The following FAT3 variants were observed in gnomAD, a reference collection of about 807,000 sequenced individuals.
The protein encoded by FAT3 is protocadherin Fat 3.
In FAT3, 95 loss-of-function variants were observed where a neutral mutation model predicts 310.2. The ratio of observed to expected loss-of-function variants is 0.31; its 90% confidence interval spans 0.26 to 0.36. The LOEUF (loss-of-function observed/expected upper bound fraction) is 0.36, where lower values mean the gene tolerates loss of function less well. Ranked by LOEUF, FAT3 falls within the 10% of genes least tolerant of loss-of-function variation. The pLI is 1.00. For synonymous variants in FAT3, 2,314 were observed against 2,192.9 expected (o/e 1.06, Z -1.54); for missense variants, 5,408 against 5,715.6 (o/e 0.95, Z 1.74).
chr11:92,727,357 A>T (rs923960933), intron 4 of FAT3, among the ~76,000 whole-genome samples: 1 of 152,108 alleles, frequency 6.6e-6, no homozygotes, highest in East Asian at 1.9e-4. Context: ...ATTGCCACCG[A>T]CTTCATGGGA....
At chr11:92,350,948 G>A (rs1262595453) in intron 1 of FAT3, among the ~76,000 whole-genome samples, 1 of 152,128 alleles carries the variant, frequency 6.6e-6, no homozygotes, top group African/African-American at 2.4e-5. Flanking sequence ...GATCCTTTGG[G>A]TATGAATAGA....
chr11:92,866,889 G>C lies in FAT3; in HGVS notation c.11807G>C (p.Ser3936Thr), dbSNP rs753480763. The change falls in exon 22 of 28, where the codon AGC (serine) becomes ACC (threonine). Residue 3936 changes from serine (S) to threonine (T), a missense_variant. Transcript: ENST00000525166. ...TTCACGAGCCTGTCCCTGGATGACA[G>C]CTACGTGGAGCGGCGCCGGGCGCCC... ...RNFTSLSLDD[S>T]YVERRRAPLY... is the part of the protein sequence containing the mutation. 6 of 1,614,010 alleles carry C rather than the reference G, an allele frequency of 3.7e-6. No homozygotes were observed. In the South Asian group the frequency reaches 6.6e-5, roughly 18 times the overall value.
intron 3 of FAT3, among the ~76,000 whole-genome samples, chr11:92,584,472 CTT>C (rs34158813): frequency 5.3e-5 from 8 of 151,754 alleles, no homozygotes; most frequent in African/African-American, 1.5e-4. Flanking sequence ...TATTTGACAG[CTT>C]TTTTTCCCCC....
chr11:92,452,363 A>C (rs1174791135), intron 2 of FAT3, among the ~76,000 whole-genome samples: 1 of 152,184 alleles, frequency 6.6e-6, no homozygotes, highest in Non-Finnish European at 1.5e-5. Context: ...CGTGGATTTT[A>C]CAGTAATTTT....
At chr11:92,809,182 C>T (rs1234249316) in intron 12 of FAT3, among the ~76,000 whole-genome samples, 2 of 152,140 alleles carry the variant, frequency 1.3e-5, no homozygotes, top group African/African-American at 4.8e-5. Flanking sequence ...CATTACTCCA[C>T]GCGGGATGCT....
At chr11:92,450,221 A>G (rs1951320865) in intron 2 of FAT3, among the ~76,000 whole-genome samples, 1 of 152,146 alleles carries the variant, frequency 6.6e-6, no homozygotes, top group East Asian at 1.9e-4. Flanking sequence ...TCCTTCTTTT[A>G]AATGTGGTTA....
Position 92,831,968 on chromosome 11 carries a change from GTCT to G in FAT3, c.9829_9831del (p.Ser3277del). ...ATGCTGAGATCACTTATCTCATCCG[GTCT>G]GGGAACGAACAAGGGAAATTTAAGA... On this transcript the variant is annotated inframe_deletion, in exon 14 of 28. Coordinates refer to ENST00000525166, the MANE Select transcript of FAT3 (RefSeq NM_001367949.2). 2.6e-6 allele frequency: 4 copies of G among 1,566,722 alleles called. No individual in the cohort carries two copies. The highest frequency in any genetic ancestry group is 3.5e-6 in the Non-Finnish European group (4 of 1,155,220).
intron 1 of FAT3, 86 bp from the exon 2 acceptor site, chr11:92,352,010 C>T (rs1224060724): frequency 1.1e-6 from 1 of 876,724 alleles, no homozygotes; most frequent in African/African-American, 1.8e-5. Flanking sequence ...TTTTAAAAAG[C>T]ATGGCTTCCT....
intron 1 of FAT3, among the ~76,000 whole-genome samples, chr11:92,349,426 A>G (rs747016369): frequency 2.0e-5 from 3 of 152,218 alleles, no homozygotes; most frequent in Admixed American, 2.0e-4. Flanking sequence ...TTCTGTGATC[A>G]CTACAGAGAG....
chr11:92,478,514 C>T (rs1251435878), intron 2 of FAT3, among the ~76,000 whole-genome samples: 4 of 152,124 alleles, frequency 2.6e-5, no homozygotes, highest in African/African-American at 9.7e-5. Context: ...TCTTCTAAGA[C>T]TCTCAAAGGA....
At chr11:92,780,237 C>T (rs149004695) in intron 7 of FAT3, among the ~76,000 whole-genome samples, 5 of 150,146 alleles carry the variant, frequency 3.3e-5, no homozygotes, top group South Asian at 2.1e-4. Flanking sequence ...TCACGACTCA[C>T]GGTAGCCTGG....
chr11:92,336,803 C>T (rs957270670), intron 1 of FAT3, among the ~76,000 whole-genome samples: 2 of 151,954 alleles, frequency 1.3e-5, no homozygotes, highest in Admixed American at 6.6e-5. Flanking sequence ...CAAGTAAACT[C>T]GAGTAGGAGA....
chr11:92,347,723 T>C (rs1948454869), intron 1 of FAT3, among the ~76,000 whole-genome samples: 1 of 152,178 alleles, frequency 6.6e-6, no homozygotes. Context: ...ACACCAGGAA[T>C]GCCTCTGAAA....
chr11:92,487,452 C>T (rs140239200), intron 2 of FAT3, among the ~76,000 whole-genome samples: 31 of 152,226 alleles, frequency 2.0e-4, no homozygotes, highest in Non-Finnish European at 3.1e-4. Context: ...TCTCATTTTA[C>T]GGAAAGAACT....
At chr11:92,647,010 GA>G (rs1302589857) in intron 3 of FAT3, among the ~76,000 whole-genome samples, 1 of 152,016 alleles carries the variant, frequency 6.6e-6, no homozygotes, top group East Asian at 1.9e-4. Context: ...GCTTCTTTCT[GA>G]TAAGAACTAG....
At chr11:92,773,980 G>A in intron 6 of FAT3, 61 bp from the exon 7 acceptor site, 1 of 1,586,656 alleles carries the variant, frequency 6.3e-7, no homozygotes. Context: ...AAAGATATAT[G>A]ATATAATGCA....
intron 2 of FAT3, among the ~76,000 whole-genome samples, chr11:92,485,082 A>C (rs183755983): frequency 6.6e-6 from 1 of 152,386 alleles, no homozygotes; most frequent in East Asian, 1.9e-4. Context: ...AAGGAAAAAC[A>C]GGTCATTTTA....
intron 3 of FAT3, among the ~76,000 whole-genome samples, chr11:92,554,858 A>G (rs1954961132): frequency 6.6e-6 from 1 of 152,196 alleles, no homozygotes; most frequent in Non-Finnish European, 1.5e-5. Context: ...AGTGTGAAGC[A>G]TCTTCTCTGC....
chr11:92,521,082 G>C (rs922750436), intron 2 of FAT3, among the ~76,000 whole-genome samples: 3 of 152,066 alleles, frequency 2.0e-5, no homozygotes, highest in African/African-American at 7.2e-5. Context: ...ATAATTTAGT[G>C]ACTTCCAGGA....
Sources: allele counts gnomAD v4.1 joint callset (sites outside exome capture counted in the v4.1 genomes callset), GRCh38; gene constraint gnomAD v4.1.1; transcripts MANE v1.5; gene names NCBI Gene and HGNC (gene_info 2026-07-23, HGNC 2026-07-21).